REV1: variants seen among roughly 807,000 people sequenced by gnomAD.
REV1 encodes the protein REV1 DNA directed polymerase.
Under a neutral mutation model 137.4 loss-of-function variants are expected in REV1, and 42 were observed. The observed-to-expected ratio is 0.31, with a 90% CI of 0.24 to 0.40. The LOEUF (loss-of-function observed/expected upper bound fraction) is 0.40. Ranked by LOEUF, REV1 falls within the 10% of genes least tolerant of loss-of-function variation. The pLI, the probability that REV1 is intolerant of heterozygous loss-of-function variation, is 1.00. For missense variants in REV1, 1,282 were observed against 1,490.1 expected (o/e 0.86, Z 2.30); for synonymous variants, 524 against 519.2 (o/e 1.01, Z -0.12).
intron 18 of REV1, 125 bp from the exon 19 acceptor site, chr2:99,403,940 GT>G: frequency 8.9e-7 from 1 of 1,129,340 alleles, no homozygotes; most frequent in Non-Finnish European, 1.3e-6. Flanking sequence ...ATTCTTAACA[GT>G]TCCCCAATAT....
intron 1 of REV1, among the ~76,000 whole-genome samples, chr2:99,473,633 T>G (rs1685657206): frequency 6.6e-6 from 1 of 152,216 alleles, no homozygotes; most frequent in African/African-American, 2.4e-5. Flanking sequence ...TTTTTGCCAC[T>G]TTATGTGTTT....
At chr2:99,459,440 C>T (rs1486843982) in intron 3 of REV1, among the ~76,000 whole-genome samples, 1 of 151,828 alleles carries the variant, frequency 6.6e-6, no homozygotes, top group East Asian at 1.9e-4. Flanking sequence ...CCATGGTGGC[C>T]CATACATGTA....
At chr2:99,430,904 CTAT>C (rs1680034512) in intron 8 of REV1, among the ~76,000 whole-genome samples, 1 of 152,142 alleles carries the variant, frequency 6.6e-6, no homozygotes, top group African/African-American at 2.4e-5. Context: ...CACATCTCTA[CTAT>C]TATAAACAAA....
chr2:99,465,012 T>G, intron 1 of REV1, 27 bp from the exon 2 acceptor site: 3 of 1,531,918 alleles, frequency 2.0e-6, no homozygotes, highest in Non-Finnish European at 2.7e-6. Context: ...AAAAAAAATG[T>G]CAATTTTATA....
At chr2:99,488,018 C>G (rs1687300080) in intron 1 of REV1, among the ~76,000 whole-genome samples, 1 of 119,078 alleles carries the variant, frequency 8.4e-6, no homozygotes. Flanking sequence ...GAGAAAAAAT[C>G]AGAGATACTA....
intron 12 of REV1, among the ~76,000 whole-genome samples, chr2:99,418,331 G>T (rs527885043): frequency 2.6e-5 from 4 of 152,280 alleles, no homozygotes; most frequent in Non-Finnish European, 4.4e-5. Flanking sequence ...GGAGTTAATT[G>T]AAAACACAAT....
At chr2:99,403,502 A>C (rs932113697) in intron 19 of REV1, 193 bp downstream of exon 19, 8 of 738,728 alleles carry the variant, frequency 1.1e-5, no homozygotes, top group South Asian at 6.2e-5. Context: ...TTAAATCCTG[A>C]AAGTACAGAC....
At chr2:99,467,991 A>C (rs1559400260) in intron 1 of REV1, among the ~76,000 whole-genome samples, 1 of 152,050 alleles carries the variant, frequency 6.6e-6, no homozygotes, top group Non-Finnish European at 1.5e-5. Flanking sequence ...GACCAGCCTG[A>C]CCAACATGGA....
intron 4 of REV1, among the ~76,000 whole-genome samples, chr2:99,446,060 G>A (rs1682166191): frequency 1.3e-5 from 2 of 152,184 alleles, no homozygotes; most frequent in African/African-American, 2.4e-5. Context: ...TAAAAACAGT[G>A]CCATGATTTA....
At chr2:99,456,577 C>T (rs1683562681) in intron 3 of REV1, among the ~76,000 whole-genome samples, 1 of 152,152 alleles carries the variant, frequency 6.6e-6, no homozygotes. Flanking sequence ...ATCTCTAATC[C>T]ATGTTTGGCA....
chr2:99,449,533 G>C, intron 3 of REV1, 29 bp from the exon 4 acceptor site: 1 of 1,230,634 alleles, frequency 8.1e-7, no homozygotes, highest in Non-Finnish European at 1.1e-6. Context: ...AATATATTAA[G>C]AGTCTTATGT....
At chr2:99,437,066 AC>A (rs1270530865) in intron 6 of REV1, among the ~76,000 whole-genome samples, 1 of 149,180 alleles carries the variant, frequency 6.7e-6, no homozygotes, top group Non-Finnish European at 1.5e-5. Flanking sequence ...TGCAACCTCA[AC>A]CCCTAGGGCT....
At chr2:99,408,168 C>T (rs757211236) in intron 14 of REV1, 37 bp from the exon 15 acceptor site, 1 of 1,268,612 alleles carries the variant, frequency 7.9e-7, no homozygotes, top group South Asian at 1.3e-5. Flanking sequence ...AAGCTTCATT[C>T]CATATGTATT....
chr2:99,488,986 A>AATT (rs1687387329), intron 1 of REV1, among the ~76,000 whole-genome samples: 2 of 152,336 alleles, frequency 1.3e-5, no homozygotes, highest in East Asian at 3.9e-4. Context: ...GAATTAGCAG[A>AATT]CGTATATTAT....
intron 1 of REV1, among the ~76,000 whole-genome samples, chr2:99,489,060 TGA>T (rs914253238): frequency 2.6e-5 from 4 of 152,234 alleles, no homozygotes; most frequent in Admixed American, 2.6e-4. Context: ...CTTTACAAAC[TGA>T]GAATAGGTAG....
chr2:99,411,364 A>G (rs1199737965), intron 13 of REV1, among the ~76,000 whole-genome samples: 1 of 152,076 alleles, frequency 6.6e-6, no homozygotes, highest in Admixed American at 6.5e-5. Flanking sequence ...CCTTCCCAAC[A>G]AAGTGAAAGT....
At chr2:99,420,571 G>C (rs992001120) in intron 11 of REV1, among the ~76,000 whole-genome samples, 2 of 152,178 alleles carry the variant, frequency 1.3e-5, no homozygotes, top group African/African-American at 4.8e-5. Flanking sequence ...AACCACCCTG[G>C]TGCTTCCCCA....
chr2:99,416,922 A>AAAAAAAG (rs1333734383), intron 12 of REV1, among the ~76,000 whole-genome samples: 4 of 150,994 alleles, frequency 2.6e-5, no homozygotes, highest in Non-Finnish European at 5.9e-5. Flanking sequence ...CAAAAAAAAA[A>AAAAAAAG]AAAAAAAAAA....
intron 3 of REV1, among the ~76,000 whole-genome samples, chr2:99,452,027 T>C (rs1338470610): frequency 6.6e-6 from 1 of 152,088 alleles, no homozygotes; most frequent in Non-Finnish European, 1.5e-5. Flanking sequence ...TACTCCCTTA[T>C]TACAAGTCCA....
Sources: gnomAD v4.1 joint callset for allele counts (sites outside exome capture counted in the v4.1 genomes callset) on GRCh38, gnomAD v4.1.1 for gene constraint, MANE v1.5 for transcripts, NCBI Gene and HGNC (gene_info 2026-07-23, HGNC 2026-07-21) for gene names.